The following EIF2AK4 variants were observed in gnomAD, a reference collection of about 807,000 sequenced individuals.
EIF2AK4 encodes eukaryotic translation initiation factor 2 alpha kinase 4.
Under a neutral mutation model 211.1 loss-of-function variants are expected in EIF2AK4, and 139 were observed. That is an observed-to-expected ratio of 0.66 (90% CI 0.57 to 0.76). EIF2AK4 has a LOEUF of 0.76. Ranked by LOEUF, EIF2AK4 falls within the 30% of genes least tolerant of loss-of-function variation. The pLI, the probability that EIF2AK4 is intolerant of heterozygous loss-of-function variation, is 0.00. For synonymous variants in EIF2AK4, 710 were observed against 751.3 expected, an observed-to-expected ratio of 0.94 and a Z score of 0.90; for missense variants, 1,664 against 2,043.8, an observed-to-expected ratio of 0.81 and a Z score of 3.58.
intron 1 of EIF2AK4, among the ~76,000 whole-genome samples, chr15:39,934,763 T>A (rs887703821): frequency 3.3e-5 from 5 of 152,352 alleles, no homozygotes; most frequent in Non-Finnish European, 1.5e-5. Flanking sequence ...CCTTACGTCC[T>A]CAATCAGAAT....
chr15:39,973,798 C>G (rs199749945), intron 11 of EIF2AK4, 49 bp downstream of exon 11: 1 of 1,597,638 alleles, frequency 6.3e-7, no homozygotes, highest in Admixed American at 1.7e-5. Context: ...CTTCTCTGTT[C>G]CATTTCCACA....
At position 40,003,211 on chromosome 15, in the gene EIF2AK4, C is replaced by T; in HGVS notation, c.3254C>T (p.Thr1085Ile). The T allele has an allele frequency of 1.2e-6, 2 of 1,614,120 alleles. No homozygotes were observed. The highest frequency in any genetic ancestry group is 1.7e-6 in the Non-Finnish European group (2 of 1,180,014). The change falls in exon 23 of 39, where the codon ACT (threonine) becomes ATT (isoleucine). Residue 1085 changes from threonine to isoleucine, a missense_variant. This residue lies in a region of EIF2AK4 where 622 missense variants were observed against 796.8 expected (regional missense o/e 0.78). Transcript: ENST00000263791. ...FKRHGAVQLC[T>I]PLLLPRNRQI... Reference sequence around the variant, plus strand: ...GGTGTAGGAGCTGTTCAGTTGTGTACTCCACTACTGCTTCCCCGAAACAGA... The same window carrying T: ...GGTGTAGGAGCTGTTCAGTTGTGTATTCCACTACTGCTTCCCCGAAACAGA...
chr15:40,026,365 G>A (rs1393013789), intron 33 of EIF2AK4, among the ~76,000 whole-genome samples: 1 of 152,192 alleles, frequency 6.6e-6, no homozygotes, highest in Non-Finnish European at 1.5e-5. Flanking sequence ...GCTGAGGTGG[G>A]AGGATTGCTT....
chr15:39,969,314 G>T (rs921504517), intron 9 of EIF2AK4, among the ~76,000 whole-genome samples: 2 of 149,022 alleles, frequency 1.3e-5, no homozygotes, highest in East Asian at 3.9e-4. Flanking sequence ...ATAGCTGTAT[G>T]CTCTGTCAGT....
At chr15:39,955,560 C>A in intron 5 of EIF2AK4, 60 bp from the exon 6 acceptor site, 1 of 1,513,272 alleles carries the variant, frequency 6.6e-7, no homozygotes, top group Non-Finnish European at 8.9e-7. Context: ...TAATTATGTA[C>A]CATGATTTTC....
chr15:39,968,960 G>T (rs141889651), intron 9 of EIF2AK4, among the ~76,000 whole-genome samples: 15 of 152,070 alleles, frequency 9.9e-5, no homozygotes, highest in African/African-American at 3.6e-4. Flanking sequence ...TCGCCTTGAA[G>T]TATATGAAAA....
At chr15:39,966,876 G>T (rs2034551436) in intron 8 of EIF2AK4, among the ~76,000 whole-genome samples, 1 of 151,836 alleles carries the variant, frequency 6.6e-6, no homozygotes, top group Non-Finnish European at 1.5e-5. Flanking sequence ...ACTCCTCTTT[G>T]CCATGTGAGG....
chr15:40,016,123 C>G (rs1045811831), intron 27 of EIF2AK4, among the ~76,000 whole-genome samples: 10 of 152,174 alleles, frequency 6.6e-5, no homozygotes, highest in Non-Finnish European at 1.5e-4. Context: ...TTATTGTCCC[C>G]CCATGTCTAT....
intron 6 of EIF2AK4, among the ~76,000 whole-genome samples, chr15:39,957,469 C>A (rs2034407116): frequency 1.3e-5 from 2 of 152,262 alleles, no homozygotes; most frequent in Admixed American, 6.5e-5. Flanking sequence ...TGAGCCCCTC[C>A]TTCTCATTCA....
Position 39,976,603 on chromosome 15 carries a change from C to G in EIF2AK4, c.2008C>G (p.Pro670Ala). Residue 670 changes from proline to alanine, a missense_variant, in exon 12 of 39, where the codon CCG becomes GCG. Physicochemically the swap from Pro to Ala is conservative, Grantham distance 27 (BLOSUM62 -1). Coordinates refer to ENST00000263791, the MANE Select transcript of EIF2AK4 (RefSeq NM_001013703.4). The stretch of plus-strand genomic sequence containing the variant: ...GCCGGCGGGACCGGGGACGCCGCCC[C>G]CGGACTCCGGGCCCCTGGCCAAGGA... ...ERPAGPGTPP[P>A]DSGPLAKDDR... 2 of 1,608,706 alleles carry G rather than the reference C, an allele frequency of 1.2e-6. No homozygotes were observed. Among genetic ancestry groups the G allele is most frequent in the Non-Finnish European group, 1.7e-6 (2 of 1,178,152 alleles).
chr15:39,976,889 T>C (rs780268260), intron 12 of EIF2AK4, 45 bp downstream of exon 12: 2 of 1,417,182 alleles, frequency 1.4e-6, no homozygotes, highest in African/African-American at 3.1e-5. Context: ...CGCCCCCTAG[T>C]TTCCTTTCTT....
intron 13 of EIF2AK4, among the ~76,000 whole-genome samples, chr15:39,982,997 A>G (rs1268046052): frequency 6.6e-6 from 1 of 152,238 alleles, no homozygotes; most frequent in African/African-American, 2.4e-5. Context: ...ATAGTGCCGC[A>G]ATAAACATAC....
rs1016143937 is a variant in EIF2AK4, at chr15:39,990,997, C to T, written c.2631+620C>T. 3.2e-4 allele frequency among the ~76,000 whole-genome samples: 48 copies of T among 152,224 alleles called. 1 individual carries two copies. The highest frequency in any genetic ancestry group is 3.4e-3 in the Middle Eastern group (1 of 294). On this transcript the variant is annotated intron_variant, in intron 16 of 38. Transcript: ENST00000263791. ...AGGTGCAGGGGAGAGTAAGAGGATG[C>T]GGGGCAGTTGAGGAGTCACTGGAAG...
At chr15:40,011,105 G>A (rs186945937) in intron 26 of EIF2AK4, among the ~76,000 whole-genome samples, 176 bp from the exon 27 acceptor site, 139 of 152,086 alleles carry the variant, frequency 9.1e-4, no homozygotes, top group African/African-American at 3.1e-3. Flanking sequence ...AGTTAATTAC[G>A]GTTTTGTGTG....
Position 40,019,172 on chromosome 15 carries a change from C to A in EIF2AK4, c.4145C>A (p.Ser1382Tyr). The A allele has an allele frequency of 6.2e-7, 1 of 1,600,500 alleles. No homozygotes were observed. The highest frequency in any genetic ancestry group is 1.1e-5 in the South Asian group (1 of 88,330). ...GTCAGCATAGCTATAGACAAGATAT[C>A]TGCTGCTGTCCTCAACATGGAGGAA... ...IGVSIAIDKI[S>Y]AAVLNMEESV... Residue 1382 changes from serine (S) to tyrosine (Y), a missense_variant, in exon 30 of 39, where the codon TCT (serine) becomes TAT (tyrosine). Ser to Tyr is a moderately radical substitution (Grantham distance 144). Transcript: ENST00000263791.
chr15:40,003,433 A>G lies in EIF2AK4; in HGVS notation c.3357+119A>G, dbSNP rs1017263102. 12 of 1,445,406 alleles carry G rather than the reference A, an allele frequency of 8.3e-6. No homozygotes were observed. In the South Asian group the frequency reaches 1.2e-4, roughly 15 times the overall value. The allele number at this position is 1,445,406 out of a possible 1,614,324, so 89.5% of individuals were successfully genotyped here. On this transcript the variant is annotated intron_variant, in intron 23 of 38. Coordinates refer to ENST00000263791, the MANE Select transcript of EIF2AK4 (RefSeq NM_001013703.4). The stretch of plus-strand genomic sequence containing the variant: ...TATAAATGTCACCTTTGGGAAATGT[A>G]TTCTTGAGGAAGTTGTCAGAGTGAG...
intron 19 of EIF2AK4, among the ~76,000 whole-genome samples, chr15:39,998,276 T>TG (rs1241613929): frequency 2.0e-5 from 3 of 148,834 alleles, no homozygotes; most frequent in Admixed American, 6.7e-5. Context: ...TTTTGTTTTG[T>TG]TTTTTTTTGC....
intron 6 of EIF2AK4, among the ~76,000 whole-genome samples, chr15:39,959,891 T>C (rs1317389252): frequency 1.2e-4 from 19 of 152,158 alleles, no homozygotes; most frequent in Admixed American, 7.2e-4. Flanking sequence ...GGGCCAGGTG[T>C]GGTGGCTCAT....
chr15:39,998,573 T>C (rs1403091226), intron 19 of EIF2AK4, among the ~76,000 whole-genome samples, 158 bp from the exon 20 acceptor site: 2 of 152,208 alleles, frequency 1.3e-5, no homozygotes, highest in Non-Finnish European at 2.9e-5. Flanking sequence ...AATATGTATG[T>C]AATTGGAAGA....
Sources: gnomAD v4.1 joint callset for allele counts (sites outside exome capture counted in the v4.1 genomes callset) on GRCh38, gnomAD v4.1.1 for gene constraint, gnomAD v4.1.1 regional missense constraint, MANE v1.5 for transcripts, NCBI Gene and HGNC (gene_info 2026-07-23, HGNC 2026-07-21) for gene names.